PCDHGB2: variants seen among roughly 807,000 people sequenced by gnomAD.
The protein encoded by PCDHGB2 is protocadherin gamma subfamily B, 2.
A neutral mutation model predicts 59.3 loss-of-function variants in PCDHGB2; 55 were observed. The observed-to-expected ratio is 0.93, with a 90% CI of 0.75 to 1.16. The LOEUF is 1.16. Ranked by LOEUF, PCDHGB2 falls within the 50% of genes most tolerant of loss-of-function variation. PCDHGB2 has a pLI of 0.00. For synonymous variants in PCDHGB2, 516 were observed against 512.0 expected (o/e 1.01, Z -0.11); for missense variants, 1,228 against 1,198.5 (o/e 1.02, Z -0.36).
At chr5:141,419,407 G>A (rs1426208057) in intron 1 of PCDHGB2, 20 of 1,613,396 alleles carry the variant, frequency 1.2e-5, no homozygotes, top group Non-Finnish European at 1.4e-5. Flanking sequence ...TGGTGTTCGC[G>A]CAGCGCGCCT....
intron 1 of PCDHGB2, chr5:141,390,418 A>C (rs2092141411): frequency 9.1e-7 from 1 of 1,099,654 alleles, no homozygotes; most frequent in African/African-American, 1.6e-5. Context: ...TAGTCAGTTA[A>C]AAAGCTGTCA....
intron 1 of PCDHGB2, among the ~76,000 whole-genome samples, chr5:141,482,144 G>C (rs564178008): frequency 1.3e-4 from 20 of 151,858 alleles, no homozygotes; most frequent in Admixed American, 9.8e-4. Flanking sequence ...GGCATAAAAA[G>C]GTCAAGTCAA....
chr5:141,389,471 A>T (rs1425309295), intron 1 of PCDHGB2: 1 of 1,613,092 alleles, frequency 6.2e-7, no homozygotes, highest in Non-Finnish European at 8.5e-7. Flanking sequence ...TCGAACTCAC[A>T]CTGCAGGCCC....
In PCDHGB2 at chr5:141,376,126, C is replaced by T. The variant is rs770848918; in HGVS notation, c.2421+13570C>T. 8 of 1,613,916 alleles carry T rather than the reference C, an allele frequency of 5.0e-6. No individual in the cohort carries two copies. In the East Asian group the frequency reaches 1.3e-4, roughly 27 times the overall value. On this transcript the variant is annotated intron_variant, in intron 1 of 3. Transcript: ENST00000522605. ...CCGACCTGGGCAGCCTCGAGCCCTCCGCCAAACCCAACGATTCGGACCTCA... is the reference window on the plus strand; with the variant it reads ...CCGACCTGGGCAGCCTCGAGCCCTCTGCCAAACCCAACGATTCGGACCTCA...
At chr5:141,376,372 G>T in intron 1 of PCDHGB2, 1 of 1,614,182 alleles carries the variant, frequency 6.2e-7, no homozygotes, top group Non-Finnish European at 8.5e-7. Flanking sequence ...CTGCAGACTC[G>T]CGTAAGAGTC....
At chr5:141,417,700 A>G in intron 1 of PCDHGB2, 1 of 1,180,094 alleles carries the variant, frequency 8.5e-7, no homozygotes, top group Admixed American at 3.0e-5. Flanking sequence ...ACCAGCTCCC[A>G]CACAGAGGCT....
intron 1 of PCDHGB2, chr5:141,440,987 A>C (rs2098217413): frequency 6.6e-6 from 1 of 152,278 alleles, no homozygotes; most frequent in African/African-American, 2.4e-5. Flanking sequence ...AACCCAGAGT[A>C]CCCATATCTA....
intron 1 of PCDHGB2, among the ~76,000 whole-genome samples, chr5:141,425,694 A>G (rs1006103007): frequency 6.6e-6 from 1 of 152,240 alleles, no homozygotes; most frequent in Non-Finnish European, 1.5e-5. Context: ...ATATCATTTC[A>G]TAGTGGTCAA....
At position 141,393,344 on chromosome 5, in the gene PCDHGB2, C is replaced by G. The variant is rs1428830318; in HGVS notation, c.2421+30788C>G. On this transcript the variant is annotated intron_variant, in intron 1 of 3. Transcript: ENST00000522605. ...GCTACCAGCTCAGCCCCAATCACCA[C>G]TTCTCCCTGGACGTGCAGACTGGAG... The G allele has an allele frequency of 9.9e-6, 16 of 1,613,888 alleles. No individual in the cohort carries two copies. The highest frequency in any genetic ancestry group is 1.2e-5 in the Non-Finnish European group (14 of 1,179,904).
At position 141,388,323 on chromosome 5, in the gene PCDHGB2, C is replaced by T. The variant is rs534112048; in HGVS notation, c.2421+25767C>T. On this transcript the variant is annotated intron_variant, in intron 1 of 3. Coordinates refer to ENST00000522605, the MANE Select transcript of PCDHGB2 (RefSeq NM_018923.3). ...TGAGCTGCAAATAAGTGAGTCTGCA[C>T]AGCCTGGCACACGATTTATATTAGG... 54 of 1,613,894 alleles carry T rather than the reference C, an allele frequency of 3.3e-5. No individual in the cohort carries two copies. In the East Asian group the frequency reaches 1.2e-3, roughly 35 times the overall value.
At chr5:141,463,682 G>A (rs62379195) in intron 1 of PCDHGB2, among the ~76,000 whole-genome samples, 7,165 of 151,926 alleles carry the variant, frequency 0.047, 241 homozygotes, top group Middle Eastern at 0.095. Context: ...GGATGACCTC[G>A]TGATCTGCTC....
intron 1 of PCDHGB2, chr5:141,372,050 G>A: frequency 6.2e-7 from 1 of 1,613,506 alleles, no homozygotes; most frequent in Non-Finnish European, 8.5e-7. Context: ...GCGTGTTGGT[G>A]GACGACCGCA....
Position 141,477,412 on chromosome 5 carries a change from C to T in PCDHGB2, c.2422-17395C>T. 6 of 1,614,168 alleles carry T rather than the reference C, an allele frequency of 3.7e-6. No individual in the cohort carries two copies. The highest frequency in any genetic ancestry group is 1.1e-5 in the South Asian group (1 of 91,082). On this transcript the variant is annotated intron_variant, in intron 1 of 3. Coordinates refer to ENST00000522605, the MANE Select transcript of PCDHGB2 (RefSeq NM_018923.3). This position sits in a 1 kb window ranked among gnomAD's most constrained non-coding sequence, Gnocchi z 4.9. ...ACCTCAGCATCACCGCCCGAGACGC[C>T]GGAACCCCTTCCCTCTCAGCCCTTA... is the stretch of plus-strand genomic sequence containing the variant.
chr5:141,404,185 C>T, intron 1 of PCDHGB2: 1 of 1,613,214 alleles, frequency 6.2e-7, no homozygotes, highest in Non-Finnish European at 8.5e-7. Context: ...AAATTCTTGA[C>T]CGAGAAAAAG....
rs771608897 is a variant in PCDHGB2, at chr5:141,490,857, C to T, written c.2422-3950C>T. 58 of 1,613,714 alleles carry T rather than the reference C, an allele frequency of 3.6e-5. 1 individual carries two copies. The highest frequency in any genetic ancestry group is 1.8e-4 in the Admixed American group (11 of 59,992). Reference sequence around the variant, plus strand: ...AGATTGTGGTGGGGGTTCGAGACTCCGGCTCTCCCCCATTGCATGCCAACA... The same window carrying T: ...AGATTGTGGTGGGGGTTCGAGACTCTGGCTCTCCCCCATTGCATGCCAACA... On this transcript the variant is annotated intron_variant, in intron 1 of 3. Transcript: ENST00000522605. The surrounding 1 kb of genome is among the most constrained non-coding windows in gnomAD (Gnocchi z 5.4).
At chr5:141,383,164 A>G (rs1778887278) in intron 1 of PCDHGB2, 1 of 1,614,016 alleles carries the variant, frequency 6.2e-7, no homozygotes, top group Non-Finnish European at 8.5e-7. Context: ...CACTGCGGGC[A>G]GGATAGACCG....
chr5:141,455,616 A>G (rs2154565146), intron 1 of PCDHGB2, among the ~76,000 whole-genome samples: 1 of 152,244 alleles, frequency 6.6e-6, no homozygotes, highest in South Asian at 2.1e-4. Flanking sequence ...GGATGTTCTA[A>G]ACACGTGGAG....
intron 1 of PCDHGB2, chr5:141,409,940 C>T (rs1368587420): frequency 1.2e-5 from 19 of 1,613,118 alleles, no homozygotes; most frequent in Non-Finnish European, 1.6e-5. Context: ...TATGGTACCT[C>T]GCTCTGCAGA....
chr5:141,492,723 C>T (rs896613323), intron 1 of PCDHGB2, among the ~76,000 whole-genome samples: 2 of 152,268 alleles, frequency 1.3e-5, no homozygotes, highest in African/African-American at 4.8e-5. Flanking sequence ...GGCGGACAGG[C>T]AGAGCTGCCC....
Sources: gnomAD v4.1 joint callset for allele counts (sites outside exome capture counted in the v4.1 genomes callset) on GRCh38, gnomAD v4.1.1 for gene constraint, Gnocchi (gnomAD v3.1) non-coding constraint, MANE v1.5 for transcripts, NCBI Gene and HGNC (gene_info 2026-07-23, HGNC 2026-07-21) for gene names.